The following MARCHF1 variants were observed in gnomAD, a reference collection of about 807,000 sequenced individuals.
MARCHF1 encodes the protein E3 ubiquitin-protein ligase MARCHF1.
Under a neutral mutation model 54.2 loss-of-function variants are expected in MARCHF1, and 40 were observed. That is an observed-to-expected ratio of 0.74 (90% CI 0.57 to 0.96). MARCHF1 has a LOEUF of 0.96. MARCHF1 is among the 40% of genes least tolerant of loss of function. The pLI, the probability that MARCHF1 is intolerant of heterozygous loss-of-function variation, is 0.00. For synonymous variants in MARCHF1, 236 were observed against 236.3 expected (o/e 1.00, Z 0.01); for missense variants, 586 against 656.5 (o/e 0.89, Z 1.17).
At chr4:163,557,960 T>C (rs1293795430) in intron 8 of MARCHF1, among the ~76,000 whole-genome samples, 1 of 152,188 alleles carries the variant, frequency 6.6e-6, no homozygotes, top group Non-Finnish European at 1.5e-5. Flanking sequence ...AATATTCCCA[T>C]TTAAACATCT....
At chr4:164,133,139 A>T (rs145329392) in intron 1 of MARCHF1, among the ~76,000 whole-genome samples, 1 of 152,138 alleles carries the variant, frequency 6.6e-6, no homozygotes. Context: ...AACAGACAAA[A>T]TGTGGCTCAG....
intron 1 of MARCHF1, among the ~76,000 whole-genome samples, chr4:164,166,818 C>T (rs568484347): frequency 6.6e-6 from 1 of 151,454 alleles, no homozygotes; most frequent in Admixed American, 6.6e-5. Flanking sequence ...CATCAACCTA[C>T]AAAAATCAGT....
chr4:164,189,013 T>A (rs959491003), intron 1 of MARCHF1: 10 of 699,370 alleles, frequency 1.4e-5, no homozygotes, highest in African/African-American at 1.2e-4. Flanking sequence ...ATGGCCTGGA[T>A]AAGAGGGAGG....
chr4:163,870,863 T>C (rs750696072), intron 3 of MARCHF1, among the ~76,000 whole-genome samples: 17 of 152,238 alleles, frequency 1.1e-4, no homozygotes, highest in Non-Finnish European at 2.2e-4. Flanking sequence ...TGCCAGAAGT[T>C]GGTTAATGAA....
chr4:163,729,934 T>G (rs555488655), intron 4 of MARCHF1, among the ~76,000 whole-genome samples: 1 of 152,302 alleles, frequency 6.6e-6, no homozygotes, highest in South Asian at 2.1e-4. Flanking sequence ...GGAGTTCATT[T>G]AACATCTTAG....
intron 4 of MARCHF1, among the ~76,000 whole-genome samples, chr4:163,795,003 CT>C (rs1309995912): frequency 5.3e-5 from 8 of 152,142 alleles, no homozygotes; most frequent in African/African-American, 1.4e-4. Flanking sequence ...TATTTTCTTT[CT>C]ATACATACTT....
chr4:163,826,900 G>A (rs1378241935), intron 4 of MARCHF1, among the ~76,000 whole-genome samples: 1 of 151,920 alleles, frequency 6.6e-6, no homozygotes, highest in Non-Finnish European at 1.5e-5. Context: ...AATAATATTA[G>A]CAAATCTGAC....
At chr4:164,369,578 G>T (rs913025145) in intron 1 of MARCHF1, among the ~76,000 whole-genome samples, 1 of 151,050 alleles carries the variant, frequency 6.6e-6, no homozygotes, top group African/African-American at 2.4e-5. Flanking sequence ...ACCCTTCTTC[G>T]AAAAAAAAGT....
At position 164,176,941 on chromosome 4, in the gene MARCHF1, GCTCTCT is replaced by G. The variant is rs57770641; in HGVS notation, c.-322-65285_-322-65280del. 4.8e-3 allele frequency among the ~76,000 whole-genome samples: 276 copies of G among 58,040 alleles called. 7 individuals carry two copies. Among genetic ancestry groups the G allele is most frequent in the East Asian group, 6.4e-3 (17 of 2,650 alleles). The allele number at this position is 58,040 out of a possible 152,430, so 38.1% of individuals were successfully genotyped here. ...TGTTATTTATCTGAGTACCTTGTGC[GCTCTCT>G]CTCTCTCTCTCTCTCTCTCTCTCTC... On this transcript the variant is annotated intron_variant, in intron 1 of 9. Coordinates refer to ENST00000514618, the MANE Select transcript of MARCHF1 (RefSeq NM_001394959.1).
chr4:163,566,823 A>G (rs917532014), intron 8 of MARCHF1, among the ~76,000 whole-genome samples: 20 of 152,360 alleles, frequency 1.3e-4, no homozygotes, highest in Middle Eastern at 3.4e-3. Context: ...GAAATTCGCT[A>G]AAGAAAGAAT....
chr4:164,320,484 T>C (rs1735113162), intron 1 of MARCHF1, among the ~76,000 whole-genome samples: 1 of 152,148 alleles, frequency 6.6e-6, no homozygotes, highest in Non-Finnish European at 1.5e-5. Context: ...CAACCGTTTC[T>C]CACTTGCCAG....
At chr4:164,190,877 T>C (rs1560946641) in intron 1 of MARCHF1, among the ~76,000 whole-genome samples, 1 of 152,214 alleles carries the variant, frequency 6.6e-6, no homozygotes, top group Non-Finnish European at 1.5e-5. Context: ...GCTAGCCACC[T>C]GGGCATGTCT....
At chr4:164,359,509 C>T (rs34930958) in intron 1 of MARCHF1, among the ~76,000 whole-genome samples, 65,073 of 151,898 alleles carry the variant, frequency 0.43, 14,765 homozygotes, top group Non-Finnish European at 0.5. Context: ...ACTTCTGATA[C>T]GCTGTATGTA....
At chr4:164,204,782 C>A (rs1731558919) in intron 1 of MARCHF1, among the ~76,000 whole-genome samples, 1 of 152,216 alleles carries the variant, frequency 6.6e-6, no homozygotes, top group African/African-American at 2.4e-5. Context: ...AGAATTTTCT[C>A]AGCAGTGACA....
intron 3 of MARCHF1, among the ~76,000 whole-genome samples, chr4:163,985,301 C>G (rs1345673505): frequency 6.6e-6 from 1 of 152,098 alleles, no homozygotes; most frequent in African/African-American, 2.4e-5. Flanking sequence ...GAGTTGGTGC[C>G]TCTGAAAGAT....
intron 3 of MARCHF1, among the ~76,000 whole-genome samples, chr4:163,902,693 C>T (rs1750967943): frequency 6.6e-6 from 1 of 152,140 alleles, no homozygotes; most frequent in Non-Finnish European, 1.5e-5. Context: ...GTCTTTCTAT[C>T]AAAAGGAAAT....
chr4:164,242,562 G>T (rs1166999024), intron 1 of MARCHF1, among the ~76,000 whole-genome samples: 13 of 151,924 alleles, frequency 8.6e-5, no homozygotes, highest in Admixed American at 2.0e-4. Context: ...ACTCTAAAAA[G>T]CAGAGCGCCT....
chr4:164,329,409 GA>G (rs907331350), intron 1 of MARCHF1, among the ~76,000 whole-genome samples: 1 of 151,802 alleles, frequency 6.6e-6, no homozygotes, highest in African/African-American at 2.4e-5. Flanking sequence ...AAGGAAGAAA[GA>G]AAAAGGAGAA....
In MARCHF1 at chr4:164,194,446, T is replaced by C. The variant is rs192185169; in HGVS notation, c.-322-82784A>G. On this transcript the variant is annotated intron_variant, in intron 1 of 9. Coordinates refer to ENST00000514618, the MANE Select transcript of MARCHF1 (RefSeq NM_001394959.1). ...CTAATGGAAAACATCCCATTTCACA[T>C]TTCCTACCATCGTAATATAAAATAA... is the stretch of plus-strand genomic sequence containing the variant. 5.3e-5 allele frequency among the ~76,000 whole-genome samples: 8 copies of C among 152,326 alleles called. No homozygotes were observed. The East Asian group carries it at 1.4e-3, about 26-fold the overall frequency.
Sources: allele counts gnomAD v4.1 joint callset (sites outside exome capture counted in the v4.1 genomes callset), GRCh38; gene constraint gnomAD v4.1.1; transcripts MANE v1.5; gene names NCBI Gene and HGNC (gene_info 2026-07-23, HGNC 2026-07-21).